CEP192: variants seen among roughly 807,000 people sequenced by gnomAD.
The protein encoded by CEP192 is centrosomal protein of 192 kDa.
A neutral mutation model predicts 271.8 loss-of-function variants in CEP192; 151 were observed. The ratio of observed to expected loss-of-function variants is 0.56; its 90% confidence interval spans 0.49 to 0.64. CEP192 has a LOEUF of 0.64. CEP192 is among the 30% of genes least tolerant of loss of function. CEP192 has a pLI of 0.00. For synonymous variants in CEP192, 995 were observed against 1,076.5 expected, an observed-to-expected ratio of 0.92 and a Z score of 1.48; for missense variants, 2,910 against 3,020.5, an observed-to-expected ratio of 0.96 and a Z score of 0.86.
At chr18:12,995,713 G>C (rs1016802765) in intron 1 of CEP192, among the ~76,000 whole-genome samples, 1 of 152,236 alleles carries the variant, frequency 6.6e-6, no homozygotes, top group African/African-American at 2.4e-5. Context: ...AGCAGGGAAA[G>C]GAGGTTGGGA....
chr18:13,119,091 A>G (rs984763353), intron 44 of CEP192, among the ~76,000 whole-genome samples: 2 of 152,212 alleles, frequency 1.3e-5, no homozygotes, highest in South Asian at 2.1e-4. Context: ...GTGCGTAATA[A>G]TAGGTTGGAA....
chr18:13,082,206 G>A (rs1474540899), intron 30 of CEP192, among the ~76,000 whole-genome samples: 2 of 152,130 alleles, frequency 1.3e-5, no homozygotes, highest in Non-Finnish European at 1.5e-5. Flanking sequence ...ACAGTGGGGT[G>A]TTAAAGTCTC....
At chr18:13,060,288 T>C (rs1478908958) in intron 21 of CEP192, among the ~76,000 whole-genome samples, 1 of 152,172 alleles carries the variant, frequency 6.6e-6, no homozygotes, top group East Asian at 1.9e-4. Flanking sequence ...CCATGATAAG[T>C]GTTTCTATAG....
Position 13,087,067 on chromosome 18 carries a change from T to C in CEP192, c.5667T>C (p.Val1889=), listed in dbSNP as rs143464199. ...CAAGCAATCTTATTTTGGAAGGCGTTAAAAAATTATCTGACAGTTACATGG... is the reference window on the plus strand; with the variant it reads ...CAAGCAATCTTATTTTGGAAGGCGTCAAAAAATTATCTGACAGTTACATGG... ...GGTSNLILEG[V]KKLSDSYMVT... Residue 1889 remains valine, a synonymous_variant, in exon 31 of 45, where the codon GTT becomes GTC. Coordinates refer to ENST00000506447, the MANE Select transcript of CEP192 (RefSeq NM_032142.4). The C allele has an allele frequency of 1.2e-6, 2 of 1,613,132 alleles. No individual in the cohort carries two copies. The highest frequency in any genetic ancestry group is 2.7e-5 in the African/African-American group (2 of 74,908).
chr18:13,018,141 C>G (rs1268494765), intron 7 of CEP192, among the ~76,000 whole-genome samples: 1 of 152,166 alleles, frequency 6.6e-6, no homozygotes, highest in African/African-American at 2.4e-5. Flanking sequence ...GTTTATCTCT[C>G]CCACAATTGG....
chr18:13,044,159 A>G (rs2036354548), intron 15 of CEP192, among the ~76,000 whole-genome samples: 1 of 152,162 alleles, frequency 6.6e-6, no homozygotes, highest in African/African-American at 2.4e-5. Flanking sequence ...TTTTTTAAAT[A>G]TACTCACCTT....
chr18:13,080,983 G>A (rs1051771033), intron 30 of CEP192, among the ~76,000 whole-genome samples: 9 of 152,168 alleles, frequency 5.9e-5, no homozygotes, highest in African/African-American at 2.2e-4. Flanking sequence ...TTCCAGGGAT[G>A]AAGCCAACTT....
In CEP192 at chr18:13,092,478, A is replaced by G. The variant is rs2039193088; in HGVS notation, c.6205A>G (p.Ser2069Gly). 1.2e-6 allele frequency: 2 copies of G among 1,610,208 alleles called. No individual in the cohort carries two copies. The highest frequency in any genetic ancestry group is 2.7e-5 in the African/African-American group (2 of 74,776). Residue 2069 changes from serine to glycine, a missense_variant, in exon 34 of 45, where the codon AGC becomes GGC. Coordinates refer to ENST00000506447, the MANE Select transcript of CEP192 (RefSeq NM_032142.4). ...VIGEFRDCIS[S>G]REFLQPSSKA... ...TGGAGAATTCAGAGATTGCATTTCT[A>G]GCAGAGAATTCCTTCAGCCTTCTTC...
At chr18:13,020,282 CTA>C (rs771762974) in intron 9 of CEP192, among the ~76,000 whole-genome samples, 2 of 152,174 alleles carry the variant, frequency 1.3e-5, no homozygotes, top group Non-Finnish European at 1.5e-5. Context: ...CTTTCTGTCT[CTA>C]TGAATTTGCC....
chr18:13,041,047 T>G, intron 14 of CEP192, 91 bp downstream of exon 14: 1 of 1,066,040 alleles, frequency 9.4e-7, no homozygotes, highest in Non-Finnish European at 1.4e-6. Flanking sequence ...TCTTTATGAG[T>G]GAAAATGTAT....
At chr18:13,099,639 G>C in intron 37 of CEP192, 58 bp downstream of exon 37, 1 of 824,418 alleles carries the variant, frequency 1.2e-6, no homozygotes, top group Non-Finnish European at 2.0e-6. Flanking sequence ...TGTAGCTTCA[G>C]TTTTATAATC....
In CEP192 at chr18:13,099,199, A is replaced by G. The variant is rs1323390755; in HGVS notation, c.6558-277A>G. On this transcript the variant is annotated intron_variant, in intron 36 of 44. Coordinates refer to ENST00000506447, the MANE Select transcript of CEP192 (RefSeq NM_032142.4). ...GAGGGAGGGGGAGGGGGAGGGGGAG[A>G]GGGAGAGGGAGAGGGCGGCATGGTT... Among the ~76,000 whole-genome samples the G allele has an allele frequency of 8.6e-4, 96 of 112,058 alleles. No homozygotes were observed. In the East Asian group the frequency reaches 0.018, roughly 22 times the overall value. 73.5% of individuals were successfully genotyped at this position (112,058 alleles called of 152,430 possible).
At chr18:13,022,706 C>G (rs1183283250) in intron 9 of CEP192, among the ~76,000 whole-genome samples, 1 of 152,140 alleles carries the variant, frequency 6.6e-6, no homozygotes, top group Non-Finnish European at 1.5e-5. Context: ...ATCAGTTTGT[C>G]AGTATCCAAA....
chr18:13,099,956 C>T (rs964265848), intron 37 of CEP192, among the ~76,000 whole-genome samples: 17 of 152,272 alleles, frequency 1.1e-4, no homozygotes, highest in African/African-American at 4.1e-4. Context: ...AACTAATCTC[C>T]CCCATGGATA....
In CEP192 at chr18:13,049,439, C is replaced by T. The variant is rs2036654762; in HGVS notation, c.2648C>T (p.Ser883Phe). ...NSAVVDVKTCSIDNKLQDVGN... is the reference protein window; with the variant it reads ...NSAVVDVKTCFIDNKLQDVGN... ...GCAGTAGTTGATGTGAAGACATGTT[C>T]CATTGACAACAAATTACAAGATGTT... The change falls in exon 16 of 45, where the codon TCC (serine) becomes TTC (phenylalanine). Residue 883 changes from serine to phenylalanine, a missense_variant. Ser to Phe is a radical substitution (Grantham distance 155). Coordinates refer to ENST00000506447, the MANE Select transcript of CEP192 (RefSeq NM_032142.4). 1.9e-6 allele frequency: 3 copies of T among 1,613,874 alleles called. No homozygotes were observed. In the Admixed American group the frequency reaches 5.0e-5, roughly 27 times the overall value.
chr18:13,009,828 G>A (rs535955396), intron 4 of CEP192, among the ~76,000 whole-genome samples: 5 of 151,868 alleles, frequency 3.3e-5, no homozygotes, highest in Admixed American at 1.3e-4. Flanking sequence ...GTAAGCCTTC[G>A]TCTCAAAAAG....
intron 37 of CEP192, 38 bp from the exon 38 acceptor site, chr18:13,100,267 T>C: frequency 1.4e-6 from 2 of 1,403,124 alleles, no homozygotes; most frequent in Non-Finnish European, 2.0e-6. Flanking sequence ...AAGTGATAGA[T>C]ACGTTTGTAG....
chr18:13,073,845 T>C (rs1030325325), intron 30 of CEP192, among the ~76,000 whole-genome samples: 32 of 152,218 alleles, frequency 2.1e-4, no homozygotes, highest in African/African-American at 7.5e-4. Context: ...GGGGACTAGG[T>C]TTCAACATGT....
Position 13,029,736 on chromosome 18 carries a change from A to G in CEP192, c.1124A>G (p.His375Arg). Reference sequence around the variant, plus strand: ...GTGAAACTTAACTCTGATAATTTTCATGATGCAAATGCCAATAGAGGTGGT... The same window carrying G: ...GTGAAACTTAACTCTGATAATTTTCGTGATGCAAATGCCAATAGAGGTGGT... Reference protein sequence around the residue: ...IDVKLNSDNFHDANANRGGFD... With the variant: ...IDVKLNSDNFRDANANRGGFD... Residue 375 changes from histidine to arginine, a missense_variant, in exon 10 of 45, where the codon CAT becomes CGT. Physicochemically the swap from His to Arg is conservative, Grantham distance 29. Coordinates refer to ENST00000506447, the MANE Select transcript of CEP192 (RefSeq NM_032142.4). 2 of 1,551,608 alleles carry G rather than the reference A, an allele frequency of 1.3e-6. No individual in the cohort carries two copies. The highest frequency in any genetic ancestry group is 1.7e-6 in the Non-Finnish European group (2 of 1,146,892).
Sources: gnomAD v4.1 joint callset for allele counts (sites outside exome capture counted in the v4.1 genomes callset) on GRCh38, gnomAD v4.1.1 for gene constraint, MANE v1.5 for transcripts, NCBI Gene and HGNC (gene_info 2026-07-23, HGNC 2026-07-21) for gene names.